Variants in DACH1 observed in about 807,000 individuals in gnomAD.
DACH1 encodes the protein dachshund family transcription factor 1.
In DACH1, 12 loss-of-function variants were observed where a neutral mutation model predicts 54.2. The ratio of observed to expected loss-of-function variants is 0.22; its 90% confidence interval spans 0.14 to 0.36. The LOEUF (loss-of-function observed/expected upper bound fraction) is 0.36, where lower values mean the gene tolerates loss of function less well. Among genes scored for constraint, DACH1 ranks in the 10% least tolerant of loss-of-function variants. The pLI, the probability that DACH1 is intolerant of heterozygous loss-of-function variation, is 1.00. For synonymous variants in DACH1, 386 were observed against 366.2 expected (o/e 1.05, Z -0.62); for missense variants, 805 against 929.8 (o/e 0.87, Z 1.75).
In DACH1 at chr13:71,642,664, T is replaced by G. The variant is rs558479605; in HGVS notation, c.965-11947A>C. Among the ~76,000 whole-genome samples the G allele has an allele frequency of 2.2e-3, 338 of 152,290 alleles. 5 individuals are homozygous for G. The highest frequency in any genetic ancestry group is 4.2e-3 in the Non-Finnish European group (287 of 68,030). Reference sequence around the variant, plus strand: ...CAAAACAAAATTGAAAACACTGCTGTTATCTACAAACATTAATACATCACA... The same window carrying G: ...CAAAACAAAATTGAAAACACTGCTGGTATCTACAAACATTAATACATCACA... On this transcript the variant is annotated intron_variant, in intron 2 of 10. Coordinates refer to ENST00000613252, the MANE Select transcript of DACH1 (RefSeq NM_080759.6).
chr13:71,740,992 T>C (rs1566472125), intron 1 of DACH1, among the ~76,000 whole-genome samples: 1 of 152,238 alleles, frequency 6.6e-6, no homozygotes, highest in East Asian at 1.9e-4. Flanking sequence ...GAAGATAACA[T>C]GAAATGGCCC....
intron 1 of DACH1, among the ~76,000 whole-genome samples, chr13:71,686,273 A>G (rs1025001794): frequency 6.6e-6 from 1 of 152,146 alleles, no homozygotes; most frequent in African/African-American, 2.4e-5. Context: ...TAGCTTAGAG[A>G]TGTCCACATC....
At chr13:71,601,663 T>C (rs979655253) in intron 3 of DACH1, among the ~76,000 whole-genome samples, 1 of 151,994 alleles carries the variant, frequency 6.6e-6, no homozygotes, top group Non-Finnish European at 1.5e-5. Flanking sequence ...TTCTGAGGAC[T>C]TTTTTTCTGA....
At chr13:71,464,577 AGATT>A (rs755080849) in intron 10 of DACH1, 35 of 436,508 alleles carry the variant, frequency 8.0e-5, no homozygotes, top group Non-Finnish European at 1.5e-4. Flanking sequence ...TTCCTTTGAA[AGATT>A]AATTAATACA....
intron 3 of DACH1, among the ~76,000 whole-genome samples, chr13:71,625,005 C>A (rs1457201183): frequency 6.6e-6 from 1 of 151,960 alleles, no homozygotes; most frequent in East Asian, 1.9e-4. Context: ...CCCATCATTT[C>A]TCTAGTCTTC....
chr13:71,514,818 G>A (rs2138266254), intron 6 of DACH1, among the ~76,000 whole-genome samples: 1 of 151,696 alleles, frequency 6.6e-6, no homozygotes, highest in Non-Finnish European at 1.5e-5. Context: ...CCACACTTAG[G>A]GTAATTTATT....
chr13:71,784,732 C>T (rs1477720970), intron 1 of DACH1, among the ~76,000 whole-genome samples: 1 of 152,118 alleles, frequency 6.6e-6, no homozygotes, highest in African/African-American at 2.4e-5. Context: ...GTACTAGAAA[C>T]AGAGATAAAT....
chr13:71,543,548 G>A (rs1883271160), intron 6 of DACH1, among the ~76,000 whole-genome samples: 1 of 152,088 alleles, frequency 6.6e-6, no homozygotes, highest in Non-Finnish European at 1.5e-5. Flanking sequence ...AGTAGACAAT[G>A]AGAACTAACA....
chr13:71,725,685 A>C (rs947323635), intron 1 of DACH1, among the ~76,000 whole-genome samples: 2 of 152,144 alleles, frequency 1.3e-5, no homozygotes, highest in African/African-American at 2.4e-5. Flanking sequence ...TAGAGAAATA[A>C]GCTCCTTAAT....
At chr13:71,641,119 T>C (rs1178345061) in intron 2 of DACH1, among the ~76,000 whole-genome samples, 1 of 151,908 alleles carries the variant, frequency 6.6e-6, no homozygotes, top group African/African-American at 2.4e-5. Flanking sequence ...GGATGAGCCA[T>C]CTAATTAAAT....
chr13:71,795,185 ATG>A (rs1365424913), intron 1 of DACH1, among the ~76,000 whole-genome samples: 1 of 113,782 alleles, frequency 8.8e-6, no homozygotes, highest in East Asian at 7.6e-4. Context: ...CATTTACAAA[ATG>A]TTTTTTTTTG....
chr13:71,828,219 G>T (rs1888452456), intron 1 of DACH1, among the ~76,000 whole-genome samples: 1 of 151,858 alleles, frequency 6.6e-6, no homozygotes, highest in East Asian at 1.9e-4. Flanking sequence ...ACTGTTTTCT[G>T]TGCTAAACTC....
At chr13:71,528,361 T>C (rs1882153774) in intron 6 of DACH1, among the ~76,000 whole-genome samples, 1 of 152,114 alleles carries the variant, frequency 6.6e-6, no homozygotes, top group East Asian at 1.9e-4. Context: ...GGAATATATG[T>C]TTTCTTCAAG....
chr13:71,665,808 A>G (rs1467539366), intron 2 of DACH1, among the ~76,000 whole-genome samples: 1 of 152,130 alleles, frequency 6.6e-6, no homozygotes. Context: ...CATAAGTGAT[A>G]GTGAAAACAA....
rs587637782 is a variant in DACH1, at chr13:71,866,532, C to A, written c.238G>T (p.Gly80Cys). The change falls in exon 1 of 11, where the codon GGC becomes TGC. Residue 80 changes from glycine to cysteine, a missense_variant. Coordinates refer to ENST00000613252, the MANE Select transcript of DACH1 (RefSeq NM_080759.6). ...CTGCCGCCGCCGCCTCCGCTGCCGC[C>A]GCCGCCGCCGCCGCCGCCGGTAGAG... ...VTSTGGGGGG[G>C]GSGGGGGSSG... The A allele has an allele frequency of 8.8e-7, 1 of 1,137,092 alleles. No homozygotes were observed. The highest frequency in any genetic ancestry group is 4.1e-5 in the South Asian group (1 of 24,112). 70.4% of individuals were successfully genotyped at this position (1,137,092 alleles called of 1,614,324 possible). A position where few individuals can be genotyped will look rare whatever the true frequency, so the allele number is the denominator to read the frequency against.
At chr13:71,775,012 T>C (rs1221356533) in intron 1 of DACH1, among the ~76,000 whole-genome samples, 2 of 151,166 alleles carry the variant, frequency 1.3e-5, no homozygotes, top group East Asian at 2.0e-4. Flanking sequence ...TAGCAGGGCA[T>C]AGTGGTTCAT....
intron 1 of DACH1, among the ~76,000 whole-genome samples, chr13:71,763,750 G>A (rs1459721779): frequency 6.6e-6 from 1 of 151,960 alleles, no homozygotes. Context: ...CCTTTTAATC[G>A]ATCATTAAAA....
At chr13:71,836,582 T>C (rs1403810366) in intron 1 of DACH1, among the ~76,000 whole-genome samples, 2 of 152,100 alleles carry the variant, frequency 1.3e-5, no homozygotes, top group African/African-American at 2.4e-5. Context: ...TAGCATTAAC[T>C]CTGATCCATA....
intron 8 of DACH1, 126 bp from the exon 9 acceptor site, chr13:71,475,975 A>T (rs2138174246): frequency 1.5e-6 from 1 of 686,070 alleles, no homozygotes; most frequent in African/African-American, 1.9e-5. Context: ...TCTACCTATA[A>T]AAAGAAAGTT....
Sources: allele counts gnomAD v4.1 joint callset (sites outside exome capture counted in the v4.1 genomes callset), GRCh38; gene constraint gnomAD v4.1.1; transcripts MANE v1.5; gene names NCBI Gene and HGNC (gene_info 2026-07-23, HGNC 2026-07-21).